The following FAT4 variants were observed in gnomAD, a reference collection of about 807,000 sequenced individuals.
FAT4 encodes the protein FAT atypical cadherin 4, also known as protocadherin Fat 4.
In FAT4, 84 loss-of-function variants were observed where a neutral mutation model predicts 303.9. That is an observed-to-expected ratio of 0.28 (90% confidence interval 0.23 to 0.33). FAT4 has a LOEUF of 0.33. Among genes scored for constraint, FAT4 ranks in the 10% least tolerant of loss-of-function variants. The pLI, the probability that FAT4 is intolerant of heterozygous loss-of-function variation, is 1.00. For missense variants in FAT4, 6,005 were observed against 6,146.8 expected (o/e 0.98, Z 0.77); for synonymous variants, 2,307 against 2,298.8 (o/e 1.00, Z -0.10).
intron 7 of FAT4, among the ~76,000 whole-genome samples, chr4:125,421,298 T>C (rs1724876605): frequency 1.3e-5 from 2 of 152,156 alleles, no homozygotes; most frequent in African/African-American, 4.8e-5. Context: ...CTCCCACATA[T>C]CTAAGCACTT....
chr4:125,399,106 C>A (rs2126012995), intron 3 of FAT4, among the ~76,000 whole-genome samples, 191 bp downstream of exon 3: 1 of 152,166 alleles, frequency 6.6e-6, no homozygotes, highest in African/African-American at 2.4e-5. Context: ...AGGTAATTTT[C>A]CTCTGATCAG....
At chr4:125,322,802 A>G (rs899188209) in intron 2 of FAT4, among the ~76,000 whole-genome samples, 3 of 151,382 alleles carry the variant, frequency 2.0e-5, no homozygotes, top group African/African-American at 7.3e-5. Context: ...ATGGATGGGG[A>G]AGAATATTTA....
rs772340428 is a variant in FAT4, at chr4:125,317,473, G to A, written c.1062G>A (p.Lys354=). ...TGAATGACAATGACCCGGTAGTGAA[G>A]TTCCGCTACTTCCCGGCCACCTCGC... is the stretch of plus-strand genomic sequence containing the variant. ...LDVNDNDPVV[K]FRYFPATSRY... The change falls in exon 2 of 18, where the codon AAG becomes AAA. Residue 354 remains lysine (K), a synonymous_variant. Transcript: ENST00000394329. The surrounding 1 kb of genome is among the most constrained non-coding windows in gnomAD (Gnocchi z 7.0). The A allele has an allele frequency of 6.2e-7, 1 of 1,613,616 alleles. No individual in the cohort carries two copies. The highest frequency in any genetic ancestry group is 8.5e-7 in the Non-Finnish European group (1 of 1,180,060).
In FAT4 at chr4:125,490,038, A is replaced by G. The variant is rs1727559797; in HGVS notation, c.13222A>G (p.Ser4408Gly). 1 of 1,614,014 alleles carries G rather than the reference A, an allele frequency of 6.2e-7. No individual in the cohort carries two copies. The highest frequency in any genetic ancestry group is 2.2e-5 in the East Asian group (1 of 44,844). The change falls in exon 18 of 18, where the codon AGC (serine) becomes GGC (glycine). Residue 4408 changes from serine to glycine, a missense_variant. Transcript: ENST00000394329. ...CTGCCGTGGCCCGAACATTTGTGCCAGCAACCCCTGCTGGGGTGATTTGCT... is the reference window on the plus strand; with the variant it reads ...CTGCCGTGGCCCGAACATTTGTGCCGGCAACCCCTGCTGGGGTGATTTGCT... ...IGCRGPNICA[S>G]NPCWGDLLCI...
rs763659763 is a variant in FAT4 at position 125,450,067 on chromosome 4, A to G, written c.9057A>G (p.Ser3019=). ...ATGACAAAGATTTTGGACTGAATTC[A>G]GAAGTGGAGTATTTCATTTCTAATG... ...AIDDKDFGLN[S]EVEYFISNDN... is the part of the protein sequence containing the mutation. The change falls in exon 10 of 18, where the codon TCA becomes TCG. Residue 3019 remains serine, a synonymous_variant. Transcript: ENST00000394329. 1.2e-6 allele frequency: 2 copies of G among 1,613,934 alleles called. No homozygotes were observed. The highest frequency in any genetic ancestry group is 1.3e-5 in the African/African-American group (1 of 75,058).
chr4:125,398,983 T>C (rs1430637505), intron 3 of FAT4, 68 bp downstream of exon 3: 2 of 1,468,300 alleles, frequency 1.4e-6, no homozygotes, highest in Admixed American at 3.4e-5. Flanking sequence ...TTCTAGGATA[T>C]GTTGACTACT....
chr4:125,360,002 C>G (rs1485814334), intron 2 of FAT4, among the ~76,000 whole-genome samples: 2 of 152,136 alleles, frequency 1.3e-5, no homozygotes, highest in Admixed American at 6.6e-5. Context: ...TGGATTTTCC[C>G]TCAGGATGAA....
intron 13 of FAT4, 74 bp from the exon 14 acceptor site, chr4:125,477,081 T>A: frequency 1.7e-6 from 2 of 1,188,476 alleles, no homozygotes; most frequent in South Asian, 3.4e-5. Flanking sequence ...ATATTCACTC[T>A]TTTTCGAACT....
chr4:125,330,559 T>C (rs1418111520), intron 2 of FAT4, among the ~76,000 whole-genome samples: 3 of 152,240 alleles, frequency 2.0e-5, no homozygotes, highest in African/African-American at 7.2e-5. Flanking sequence ...TTGATTATTG[T>C]TTGATCTGTC....
chr4:125,361,416 G>A (rs779848582), intron 2 of FAT4, among the ~76,000 whole-genome samples: 47 of 152,128 alleles, frequency 3.1e-4, no homozygotes, highest in Non-Finnish European at 4.9e-4. Flanking sequence ...GGTTAGTGAT[G>A]GGGTAGAGGC....
chr4:125,488,143 TGAG>T (rs893541024), intron 17 of FAT4, among the ~76,000 whole-genome samples: 4 of 152,172 alleles, frequency 2.6e-5, no homozygotes, highest in Non-Finnish European at 4.4e-5. Flanking sequence ...ATCTGAATGA[TGAG>T]GAGGATGAAA....
rs372590258 is a variant in FAT4, at chr4:125,320,052, T to C, written c.3641T>C (p.Phe1214Ser). Reference sequence around the variant, plus strand: ...AATGCTCCCAAATTTTTAAAAGACTTTTACCAAGCTACAATATCAGAATCA... The same window carrying C: ...AATGCTCCCAAATTTTTAAAAGACTCTTACCAAGCTACAATATCAGAATCA... ...NDNAPKFLKDFYQATISESAA... is the reference protein window; with the variant it reads ...NDNAPKFLKDSYQATISESAA... The change falls in exon 2 of 18, where the codon TTT (phenylalanine) becomes TCT (serine). Residue 1214 changes from phenylalanine (F) to serine (S), a missense_variant. Physicochemically the swap from Phe to Ser is radical, Grantham distance 155. Transcript: ENST00000394329. 6.2e-7 allele frequency: 1 copy of C among 1,613,674 alleles called. No individual in the cohort carries two copies. The highest frequency in any genetic ancestry group is 8.5e-7 in the Non-Finnish European group (1 of 1,180,016).
chr4:125,425,513 A>C (rs889027527), intron 7 of FAT4, among the ~76,000 whole-genome samples: 8 of 152,144 alleles, frequency 5.3e-5, no homozygotes, highest in African/African-American at 1.9e-4. Context: ...TCTAAGTAAA[A>C]TAGCTGGTAA....
At chr4:125,358,688 C>T (rs192851181) in intron 2 of FAT4, among the ~76,000 whole-genome samples, 1 of 152,224 alleles carries the variant, frequency 6.6e-6, no homozygotes, top group East Asian at 1.9e-4. Flanking sequence ...GCTCACTGCT[C>T]ACCGCTCACC....
chr4:125,454,398 T>C (rs1048124150), intron 10 of FAT4, among the ~76,000 whole-genome samples: 4 of 152,236 alleles, frequency 2.6e-5, no homozygotes, highest in African/African-American at 7.2e-5. Context: ...GAAAAAGTGA[T>C]AGATTTCACA....
chr4:125,451,806 C>T lies in FAT4; in HGVS notation c.10796C>T (p.Thr3599Ile). The change falls in exon 10 of 18, where the codon ACA becomes ATA. Residue 3599 changes from threonine to isoleucine, a missense_variant. Thr to Ile is a moderately conservative substitution (Grantham distance 89, BLOSUM62 -1). Transcript: ENST00000394329. The part of the protein sequence containing the change: ...KDSGVPQMSS[T>I]GTVHITVIDQ... ...TCTGGTGTTCCTCAAATGTCTTCCA[C>T]AGGAACTGTGCATATCACAGTTATA... is the stretch of plus-strand genomic sequence containing the variant. 6.2e-7 allele frequency: 1 copy of T among 1,614,164 alleles called. No homozygotes were observed. The highest frequency in any genetic ancestry group is 8.5e-7 in the Non-Finnish European group (1 of 1,180,022).
Position 125,490,313 on chromosome 4 carries a change from G to T in FAT4, c.13497G>T (p.Glu4499Asp). ...HVCVLSQGPE[E>D]ISLPLWAVPA... The stretch of plus-strand genomic sequence containing the variant: ...GTGTTCTGAGTCAGGGCCCTGAAGA[G>T]ATCTCTCTGCCTTTGTGGGCTGTGC... The change falls in exon 18 of 18, where the codon GAG becomes GAT. Residue 4499 changes from glutamate (E) to aspartate (D), a missense_variant. Glu to Asp is a conservative substitution (Grantham distance 45). Coordinates refer to ENST00000394329, the MANE Select transcript of FAT4 (RefSeq NM_001291303.3). The T allele has an allele frequency of 6.2e-7, 1 of 1,614,164 alleles. No homozygotes were observed. Among genetic ancestry groups the T allele is most frequent in the Non-Finnish European group, 8.5e-7 (1 of 1,180,038 alleles).
At chr4:125,395,713 A>T (rs1232916937) in intron 2 of FAT4, among the ~76,000 whole-genome samples, 1 of 152,176 alleles carries the variant, frequency 6.6e-6, no homozygotes, top group Non-Finnish European at 1.5e-5. Flanking sequence ...CTTACTAAAA[A>T]TATAACTTTG....
At chr4:125,481,805 TC>T in intron 16 of FAT4, 67 bp downstream of exon 16, 1 of 1,353,654 alleles carries the variant, frequency 7.4e-7, no homozygotes, top group Non-Finnish European at 1.0e-6. Flanking sequence ...TTAAATCACT[TC>T]CCCCATAATT....
Sources: allele counts gnomAD v4.1 joint callset (sites outside exome capture counted in the v4.1 genomes callset), GRCh38; gene constraint gnomAD v4.1.1; non-coding constraint Gnocchi (gnomAD v3.1); transcripts MANE v1.5; gene names NCBI Gene and HGNC (gene_info 2026-07-23, HGNC 2026-07-21).